NOC3L: variants seen among roughly 807,000 people sequenced by gnomAD.
NOC3L encodes the protein NOC3 like DNA replication regulator, also known as nucleolar complex protein 3 homolog.
Under a neutral mutation model 102.5 loss-of-function variants are expected in NOC3L, and 85 were observed. The observed-to-expected ratio is 0.83, with a 90% CI of 0.70 to 0.99. The LOEUF is 0.99. NOC3L is among the 50% of genes least tolerant of loss of function. The pLI is 0.00. For synonymous variants in NOC3L, 303 were observed against 309.4 expected (o/e 0.98, Z 0.22); for missense variants, 878 against 914.9 (o/e 0.96, Z 0.52).
chr10:94,337,823 C>A lies in NOC3L; in HGVS notation c.2143G>T (p.Ala715Ser). 6.2e-7 allele frequency: 1 copy of A among 1,614,016 alleles called. No homozygotes were observed. The change falls in exon 19 of 21, where the codon GCA (alanine) becomes TCA (serine). Residue 715 changes from alanine (A) to serine (S), a missense_variant. Transcript: ENST00000371361. Reference sequence around the variant, plus strand: ...AGTGCTCCAGAGCCTTCAGAAGGTGCTCCAGCGATCAGGTGGGCTGCAAAT... The same window carrying A: ...AGTGCTCCAGAGCCTTCAGAAGGTGATCCAGCGATCAGGTGGGCTGCAAAT... ...QRFAAHLIAG[A>S]PSEGSGALKP...
At chr10:94,354,529 T>C (rs1006954952) in intron 6 of NOC3L, among the ~76,000 whole-genome samples, 2 of 152,204 alleles carry the variant, frequency 1.3e-5, no homozygotes, top group Non-Finnish European at 1.5e-5. Flanking sequence ...TACTTTAACT[T>C]TGGCTCTAGT....
chr10:94,357,340 G>A lies in NOC3L; in HGVS notation c.351-9C>T. The A allele has an allele frequency of 6.5e-7, 1 of 1,547,588 alleles. No individual in the cohort carries two copies. The highest frequency in any genetic ancestry group is 1.3e-5 in the South Asian group (1 of 79,342). ...TCGCATGAACAGGCTCACTGCAGGG[G>A]AAAAAAAGATCAATTTTCAGTCTTA... On this transcript the variant is annotated splice_polypyrimidine_tract_variant and intron_variant, in intron 3 of 20. Coordinates refer to ENST00000371361, the MANE Select transcript of NOC3L (RefSeq NM_022451.11).
chr10:94,345,833 A>T (rs2054336576), intron 11 of NOC3L, among the ~76,000 whole-genome samples: 2 of 152,182 alleles, frequency 1.3e-5, no homozygotes, highest in Admixed American at 1.3e-4. Flanking sequence ...AGATGTGATG[A>T]TAACAATAAT....
intron 14 of NOC3L, among the ~76,000 whole-genome samples, chr10:94,341,115 G>A: frequency 6.6e-6 from 1 of 151,988 alleles, no homozygotes; most frequent in East Asian, 1.9e-4. Flanking sequence ...CAAGGCTGCA[G>A]TGAGCTGTGA....
chr10:94,341,685 G>A lies in NOC3L; in HGVS notation c.1632C>T (p.Leu544=). 6.6e-7 allele frequency: 1 copy of A among 1,517,278 alleles called. No individual in the cohort carries two copies. The highest frequency in any genetic ancestry group is 2.4e-5 in the East Asian group (1 of 42,538). The allele number at this position is 1,517,278 out of a possible 1,614,324, so 94.0% of individuals were successfully genotyped here. A position where few individuals can be genotyped will look rare whatever the true frequency, so the allele number is the denominator to read the frequency against. The change falls in exon 14 of 21, where the codon CTC becomes CTT. Residue 544 remains leucine, a synonymous_variant. Transcript: ENST00000371361. ...TATTATTACTTACACCAGACTCAAT[G>A]AGAGTATGAAGAACTACTAACAGAT... ...FDDLLVVLHT[L]IESGDLSYQE... is the part of the protein sequence containing the mutation.
intron 16 of NOC3L, 66 bp from the exon 17 acceptor site, chr10:94,339,986 C>T: frequency 7.3e-7 from 1 of 1,377,752 alleles, no homozygotes; most frequent in African/African-American, 1.4e-5. Context: ...CTGGACTGAA[C>T]TTCAGATAAA....
chr10:94,357,772 G>A, intron 3 of NOC3L: 1 of 314,600 alleles, frequency 3.2e-6, no homozygotes, highest in Non-Finnish European at 5.8e-6. Flanking sequence ...TACCAGCAGG[G>A]TAATGAGGAT....
At chr10:94,328,027 T>G in the NOC3L span, 2 of 525,274 alleles carry the variant, frequency 3.8e-6, no homozygotes, top group Admixed American at 4.0e-5. Flanking sequence ...ATAATTATTT[T>G]CATCAGACTT....
intron 18 of NOC3L, 67 bp from the exon 19 acceptor site, chr10:94,337,941 C>CA (rs2054241971): frequency 1.3e-5 from 15 of 1,175,668 alleles, no homozygotes; most frequent in Non-Finnish European, 1.9e-5. Flanking sequence ...CTAGCCACAG[C>CA]AAAGATTTTC....
At chr10:94,348,377 G>C (rs2054371931) in intron 10 of NOC3L, among the ~76,000 whole-genome samples, 1 of 151,826 alleles carries the variant, frequency 6.6e-6, no homozygotes, top group South Asian at 2.1e-4. Flanking sequence ...GTAAAAAAGA[G>C]AACAATCTGC....
At chr10:94,349,438 T>C (rs1162226984) in intron 9 of NOC3L, 60 bp from the exon 10 acceptor site, 1 of 1,470,868 alleles carries the variant, frequency 6.8e-7, no homozygotes, top group Non-Finnish European at 9.1e-7. Context: ...ACTGACGTTT[T>C]GGGTAACAGA....
intron 5 of NOC3L, among the ~76,000 whole-genome samples, 164 bp from the exon 6 acceptor site, chr10:94,355,257 A>G (rs1346365774): frequency 6.6e-6 from 1 of 152,210 alleles, no homozygotes; most frequent in Non-Finnish European, 1.5e-5. Context: ...CATTGGACCC[A>G]TTTTATAGAT....
At position 94,334,729 on chromosome 10, in the gene NOC3L, A is replaced by C; in HGVS notation, c.2190-11T>G. ...AGTTCAGTAGCAGATCTAAATCACA[A>C]ACACAAAAAATGTAAAGATACCACC... On this transcript the variant is annotated splice_polypyrimidine_tract_variant and intron_variant, in intron 19 of 20. Coordinates refer to ENST00000371361, the MANE Select transcript of NOC3L (RefSeq NM_022451.11). 6.3e-7 allele frequency: 1 copy of C among 1,591,966 alleles called. No homozygotes were observed. The highest frequency in any genetic ancestry group is 1.1e-5 in the South Asian group (1 of 89,280).
At chr10:94,315,943 C>T in the NOC3L span, among the ~76,000 whole-genome samples, 4 of 151,880 alleles carry the variant, frequency 2.6e-5, no homozygotes, top group African/African-American at 9.7e-5. Flanking sequence ...CCCAATAATT[C>T]GTAGCCAACA....
At chr10:94,354,874 G>C in intron 6 of NOC3L, 89 bp downstream of exon 6, 1 of 1,307,074 alleles carries the variant, frequency 7.7e-7, no homozygotes, top group Admixed American at 2.1e-5. Context: ...TCCTTTTAGT[G>C]TATGCTTATA....
downstream of NOC3L, chr10:94,330,777 G>C (rs891102748): frequency 1.3e-5 from 2 of 151,710 alleles, no homozygotes; most frequent in Non-Finnish European, 2.9e-5. Context: ...AAATATTTAA[G>C]TTTTATTTAA....
At chr10:94,341,615 A>T (rs1232133531) in intron 14 of NOC3L, 58 bp downstream of exon 14, 44 of 927,032 alleles carry the variant, frequency 4.7e-5, no homozygotes. Flanking sequence ...AACCTGAAAA[A>T]TTTTTAAAAT....
intron 19 of NOC3L, among the ~76,000 whole-genome samples, chr10:94,335,330 C>T (rs1221683915): frequency 6.6e-6 from 1 of 152,124 alleles, no homozygotes. Context: ...AAGCTCATTC[C>T]TCATCCTTCT....
the NOC3L span, among the ~76,000 whole-genome samples, chr10:94,317,969 C>T: frequency 6.6e-6 from 1 of 152,182 alleles, no homozygotes; most frequent in Admixed American, 6.5e-5. Context: ...GAAGGTGCCT[C>T]AGGCCCATGC....
Sources: allele counts gnomAD v4.1 joint callset (sites outside exome capture counted in the v4.1 genomes callset), GRCh38; gene constraint gnomAD v4.1.1; transcripts MANE v1.5; gene names NCBI Gene and HGNC (gene_info 2026-07-23, HGNC 2026-07-21).